RALGAPA1: variants seen among roughly 807,000 people sequenced by gnomAD.
RALGAPA1 encodes ral GTPase-activating protein subunit alpha-1.
In RALGAPA1, 52 loss-of-function variants were observed where a neutral mutation model predicts 269.6. That is an observed-to-expected ratio of 0.19 (90% CI 0.15 to 0.24). RALGAPA1 has a LOEUF of 0.24. RALGAPA1 is among the 10% of genes least tolerant of loss of function. The pLI is 1.00. For missense variants in RALGAPA1, 1,917 were observed against 3,013.9 expected (o/e 0.64, Z 8.52); for synonymous variants, 817 against 1,008.3 (o/e 0.81, Z 3.60).
intron 1 of RALGAPA1, among the ~76,000 whole-genome samples, chr14:35,784,344 T>C (rs1333309220): frequency 6.6e-6 from 1 of 152,116 alleles, no homozygotes; most frequent in African/African-American, 2.4e-5. Context: ...GAAAAGATTA[T>C]GCTAAGTGAA....
chr14:35,719,401 A>G (rs1371231829), intron 16 of RALGAPA1, among the ~76,000 whole-genome samples: 1 of 152,210 alleles, frequency 6.6e-6, no homozygotes, highest in African/African-American at 2.4e-5. Context: ...TTATAACTCC[A>G]TGCAGCTACC....
intron 12 of RALGAPA1, among the ~76,000 whole-genome samples, chr14:35,737,759 CAAAAAAAAAAAAAAAAAA>C (rs60152249): frequency 5.7e-4 from 10 of 17,418 alleles, no homozygotes; most frequent in African/African-American, 9.6e-4. Context: ...AAATCCATCT[CAAAAAAAAAAAAAAAAAA>C]AAAAAAAAAA....
chr14:35,635,318 A>G (rs1481659289), intron 32 of RALGAPA1, 146 bp downstream of exon 32: 2 of 870,040 alleles, frequency 2.3e-6, no homozygotes, highest in Non-Finnish European at 3.2e-6. Context: ...GCACTTTTAA[A>G]TTACCCTTAG....
At chr14:35,665,832 A>T (rs1424993640) in intron 26 of RALGAPA1, among the ~76,000 whole-genome samples, 1 of 152,196 alleles carries the variant, frequency 6.6e-6, no homozygotes, top group African/African-American at 2.4e-5. Context: ...GGGAATATTC[A>T]GGTATGTGCA....
intron 4 of RALGAPA1, among the ~76,000 whole-genome samples, chr14:35,763,395 T>C (rs545901809): frequency 6.6e-6 from 1 of 152,292 alleles, no homozygotes; most frequent in South Asian, 2.1e-4. Flanking sequence ...TGTTCCTTTC[T>C]TCCCCAGAGG....
At position 35,728,382 on chromosome 14, in the gene RALGAPA1, T is replaced by C. The variant is rs142577956; in HGVS notation, c.1716A>G (p.Val572=). 104 of 1,570,974 alleles carry C rather than the reference T, an allele frequency of 6.6e-5. No homozygotes were observed. The highest frequency in any genetic ancestry group is 4.7e-4 in the Admixed American group (24 of 51,148). ...TTTACCAAGTCTTTTTGTCCATTGA[T>C]ACTTGTACAACCATGTACCGATAAA... The part of the protein sequence containing the change: ...LNIYRYMVVQ[V]SMDKKTWEQM... The change falls in exon 13 of 42, where the codon GTA becomes GTG. Residue 572 remains valine, a synonymous_variant. Transcript: ENST00000680220.
chr14:35,578,797 TGTGGCTATG>T (rs2057751473), intron 37 of RALGAPA1, among the ~76,000 whole-genome samples: 1 of 152,224 alleles, frequency 6.6e-6, no homozygotes, highest in Non-Finnish European at 1.5e-5. Flanking sequence ...TCTTTTGATT[TGTGGCTATG>T]GTAGCTGTGG....
At chr14:35,792,641 G>T (rs1487516930) in intron 1 of RALGAPA1, among the ~76,000 whole-genome samples, 1 of 151,800 alleles carries the variant, frequency 6.6e-6, no homozygotes, top group Non-Finnish European at 1.5e-5. Context: ...AAACTAGCCG[G>T]GTATGGCGGT....
At chr14:35,639,513 G>A (rs1215757035) in intron 31 of RALGAPA1, among the ~76,000 whole-genome samples, 1 of 152,038 alleles carries the variant, frequency 6.6e-6, no homozygotes, top group East Asian at 1.9e-4. Context: ...CAGACCATAT[G>A]TTAGGCCAAA....
intron 10 of RALGAPA1, among the ~76,000 whole-genome samples, chr14:35,746,287 T>C (rs1283970804): frequency 6.6e-6 from 1 of 152,196 alleles, no homozygotes; most frequent in Non-Finnish European, 1.5e-5. Flanking sequence ...GATCAAAATG[T>C]ACAAAGGTTC....
chr14:35,683,282 T>TAA (rs1377667664), intron 21 of RALGAPA1, among the ~76,000 whole-genome samples: 1 of 152,216 alleles, frequency 6.6e-6, no homozygotes, highest in Non-Finnish European at 1.5e-5. Context: ...TGACTACATG[T>TAA]AAAAAGTTTC....
intron 21 of RALGAPA1, 21 bp from the exon 22 acceptor site, chr14:35,678,123 A>C (rs375785643): frequency 3.8e-6 from 6 of 1,593,834 alleles, no homozygotes; most frequent in Non-Finnish European, 5.1e-6. Flanking sequence ...AATTTCATAA[A>C]ATTACCATAA....
chr14:35,654,559 T>G, intron 29 of RALGAPA1, 82 bp from the exon 30 acceptor site: 12 of 1,441,104 alleles, frequency 8.3e-6, no homozygotes, highest in Non-Finnish European at 1.1e-5. Context: ...TTTTTACATT[T>G]CATACATTTG....
Position 35,721,860 on chromosome 14 carries a change from A to C in RALGAPA1, c.2105-11T>G. ...ATTCATGTCCAACTCCTGGAAATGT[A>C]GATTTTCAATCTCAATATACTGTTA... On this transcript the variant is annotated splice_polypyrimidine_tract_variant and intron_variant, in intron 15 of 41. Transcript: ENST00000680220. 1 of 1,610,110 alleles carries C rather than the reference A, an allele frequency of 6.2e-7. No homozygotes were observed. Among genetic ancestry groups the C allele is most frequent in the South Asian group, 1.1e-5 (1 of 90,952 alleles).
Position 35,680,085 on chromosome 14 carries a change from T to C in RALGAPA1, c.4472-1983A>G, listed in dbSNP as rs2065288734. ...AACCTTAATGTTTACCAAAAACTTTTAAGTACATGCCAAAGAGACATCAGC... is the reference window on the plus strand; with the variant it reads ...AACCTTAATGTTTACCAAAAACTTTCAAGTACATGCCAAAGAGACATCAGC... On this transcript the variant is annotated intron_variant, in intron 21 of 41. Coordinates refer to ENST00000680220, the MANE Select transcript of RALGAPA1 (RefSeq NM_001346249.2). Among the ~76,000 whole-genome samples, 3 of 152,222 alleles carry C rather than the reference T, an allele frequency of 2.0e-5. No homozygotes were observed. In the South Asian group the frequency reaches 6.2e-4, roughly 31 times the overall value.
At chr14:35,562,722 A>G (rs551833255) in intron 39 of RALGAPA1, among the ~76,000 whole-genome samples, 31 of 151,980 alleles carry the variant, frequency 2.0e-4, no homozygotes, top group Non-Finnish European at 4.0e-4. Context: ...GGGCTTTTCC[A>G]TTCTTAAAAG....
intron 1 of RALGAPA1, among the ~76,000 whole-genome samples, chr14:35,776,951 G>C (rs1457784024): frequency 6.6e-6 from 1 of 151,456 alleles, no homozygotes; most frequent in Non-Finnish European, 1.5e-5. Context: ...CATAATCTCT[G>C]AGATCCAGAT....
chr14:35,795,683 A>G (rs1159140371), intron 1 of RALGAPA1, among the ~76,000 whole-genome samples: 1 of 152,130 alleles, frequency 6.6e-6, no homozygotes, highest in Admixed American at 6.6e-5. Flanking sequence ...AAGCTCAAGA[A>G]TTTATAGGTG....
intron 16 of RALGAPA1, among the ~76,000 whole-genome samples, chr14:35,714,147 A>G (rs1366568379): frequency 6.6e-6 from 1 of 152,036 alleles, no homozygotes; most frequent in Non-Finnish European, 1.5e-5. Flanking sequence ...TCTCTTGGAT[A>G]TATACCTGTG....
Sources: allele counts gnomAD v4.1 joint callset (sites outside exome capture counted in the v4.1 genomes callset), GRCh38; gene constraint gnomAD v4.1.1; transcripts MANE v1.5; gene names NCBI Gene and HGNC (gene_info 2026-07-23, HGNC 2026-07-21).